Variants in ARHGAP32 observed in about 807,000 individuals in gnomAD.
ARHGAP32 encodes the protein Rho GTPase activating protein 32, also known as rho GTPase-activating protein 32.
A neutral mutation model predicts 186.5 loss-of-function variants in ARHGAP32; 51 were observed. The ratio of observed to expected loss-of-function variants is 0.27; its 90% CI spans 0.22 to 0.35. The LOEUF (loss-of-function observed/expected upper bound fraction) is 0.35, where lower values mean the gene tolerates loss of function less well. Among genes scored for constraint, ARHGAP32 ranks in the 10% least tolerant of loss-of-function variants. ARHGAP32 has a pLI of 1.00. For synonymous variants in ARHGAP32, 950 were observed against 964.3 expected, an observed-to-expected ratio of 0.99 and a Z score of 0.27; for missense variants, 2,186 against 2,623.5, an observed-to-expected ratio of 0.83 and a Z score of 3.64.
At chr11:128,981,192 T>C (rs1945696923) in intron 17 of ARHGAP32, among the ~76,000 whole-genome samples, 1 of 152,232 alleles carries the variant, frequency 6.6e-6, no homozygotes, top group African/African-American at 2.4e-5. Context: ...ACGACAAGTT[T>C]TTTAATGTGT....
At chr11:128,997,930 A>AT (rs1946246362) in intron 12 of ARHGAP32, among the ~76,000 whole-genome samples, 1 of 149,872 alleles carries the variant, frequency 6.7e-6, no homozygotes, top group Non-Finnish European at 1.5e-5. Context: ...TGATTTTGGC[A>AT]TTTTATGTCT....
chr11:129,151,323 A>T (rs1041073521), intron 2 of ARHGAP32, among the ~76,000 whole-genome samples: 1 of 152,170 alleles, frequency 6.6e-6, no homozygotes, highest in African/African-American at 2.4e-5. Context: ...CAAAGTACAG[A>T]AAGTCAACAA....
chr11:129,265,226 C>A (rs760769819), intron 1 of ARHGAP32, among the ~76,000 whole-genome samples: 4 of 152,144 alleles, frequency 2.6e-5, no homozygotes, highest in Non-Finnish European at 4.4e-5. Context: ...TAGTACCTAT[C>A]ATCACGGTAA....
chr11:129,274,385 C>T (rs1403482488), intron 1 of ARHGAP32, among the ~76,000 whole-genome samples: 5 of 152,134 alleles, frequency 3.3e-5, no homozygotes, highest in Admixed American at 6.5e-5. Flanking sequence ...TTTCCAGGTG[C>T]TGTTCCCTGG....
At position 129,038,344 on chromosome 11, in the gene ARHGAP32, T is replaced by C. The variant is rs970795617; in HGVS notation, c.1045+2584A>G. ...TTAAAAAATGGGTCATAGACTAATA[T>C]GTAACATCTAAAACTGTAAACCTCT... On this transcript the variant is annotated intron_variant, in intron 11 of 22. Transcript: ENST00000682385. Among the ~76,000 whole-genome samples, 5 of 152,106 alleles carry C rather than the reference T, an allele frequency of 3.3e-5. No homozygotes were observed. The East Asian group carries it at 9.7e-4, about 29-fold the overall frequency.
chr11:129,038,237 C>A (rs1939437076), intron 11 of ARHGAP32, among the ~76,000 whole-genome samples: 1 of 151,992 alleles, frequency 6.6e-6, no homozygotes, highest in African/African-American at 2.4e-5. Flanking sequence ...AAGAAATAAT[C>A]TTTTCAACAA....
At chr11:129,072,463 T>C (rs116561322) in intron 6 of ARHGAP32, among the ~76,000 whole-genome samples, 4 of 152,196 alleles carry the variant, frequency 2.6e-5, no homozygotes, top group Non-Finnish European at 4.4e-5. Flanking sequence ...AGTCACTGGT[T>C]AACAAGTAAA....
intron 6 of ARHGAP32, among the ~76,000 whole-genome samples, chr11:129,072,428 T>C (rs184305379): frequency 7.2e-5 from 11 of 152,300 alleles, no homozygotes; most frequent in African/African-American, 2.4e-4. Context: ...TTCTGGTTAC[T>C]GGTCTGCTAT....
intron 6 of ARHGAP32, among the ~76,000 whole-genome samples, chr11:129,068,205 G>T (rs1435169961): frequency 6.6e-6 from 1 of 152,018 alleles, no homozygotes; most frequent in Non-Finnish European, 1.5e-5. Flanking sequence ...TCTGGGCCCT[G>T]TCTAAATTTC....
intron 11 of ARHGAP32, among the ~76,000 whole-genome samples, chr11:129,000,041 G>C (rs761760775): frequency 6.6e-6 from 1 of 152,036 alleles, no homozygotes; most frequent in Non-Finnish European, 1.5e-5. Context: ...ACTGAAAAAA[G>C]AAAACTCTTT....
At chr11:129,134,495 T>C (rs922999855) in intron 2 of ARHGAP32, among the ~76,000 whole-genome samples, 5 of 152,088 alleles carry the variant, frequency 3.3e-5, no homozygotes, top group African/African-American at 1.2e-4. Context: ...AGGCATAAAG[T>C]AAATACACAA....
At chr11:128,984,846 C>T (rs1945815612) in intron 15 of ARHGAP32, among the ~76,000 whole-genome samples, 1 of 151,620 alleles carries the variant, frequency 6.6e-6, no homozygotes, top group African/African-American at 2.4e-5. Flanking sequence ...TATTGAACAT[C>T]TATCTGCAAG....
chr11:128,988,598 A>G (rs1392945164), intron 12 of ARHGAP32, among the ~76,000 whole-genome samples: 1 of 152,222 alleles, frequency 6.6e-6, no homozygotes, highest in Non-Finnish European at 1.5e-5. Context: ...TTGCTTCTAG[A>G]AAAGGATCTT....
At chr11:129,231,028 G>A (rs191094670) in intron 1 of ARHGAP32, among the ~76,000 whole-genome samples, 8 of 152,156 alleles carry the variant, frequency 5.3e-5, no homozygotes, top group Admixed American at 2.0e-4. Flanking sequence ...CCAGCTACTC[G>A]GGAGGCTGAG....
intron 1 of ARHGAP32, among the ~76,000 whole-genome samples, chr11:129,164,871 G>A (rs992032787): frequency 1.3e-5 from 2 of 152,140 alleles, no homozygotes; most frequent in Non-Finnish European, 2.9e-5. Context: ...CATTTTCAAT[G>A]AGAACAACTA....
At chr11:129,037,984 C>A (rs1028277709) in intron 11 of ARHGAP32, among the ~76,000 whole-genome samples, 1 of 151,646 alleles carries the variant, frequency 6.6e-6, no homozygotes, top group Admixed American at 6.6e-5. Context: ...ACCTGTAATC[C>A]CAGCTACTCC....
Position 129,066,843 on chromosome 11 carries a change from C to A in ARHGAP32, c.557G>T (p.Ser186Ile), listed in dbSNP as rs1225101813. 4 of 1,608,576 alleles carry A rather than the reference C, an allele frequency of 2.5e-6. No individual in the cohort carries two copies. Among genetic ancestry groups the A allele is most frequent in the Non-Finnish European group, 3.4e-6 (4 of 1,176,978 alleles). ...ATCAAGTACCCGAAAATCTTCATAACTTCTTTTAACAATCCAACTTTTTCC... is the reference window on the plus strand; with the variant it reads ...ATCAAGTACCCGAAAATCTTCATAAATTCTTTTAACAATCCAACTTTTTCC... ...CQGKSWIVKR[S>I]YEDFRVLDKH... is the part of the protein sequence containing the mutation. Residue 186 changes from serine to isoleucine, a missense_variant, in exon 7 of 23, where the codon AGT (serine) becomes ATT (isoleucine). Coordinates refer to ENST00000682385, the MANE Select transcript of ARHGAP32 (RefSeq NM_001378024.1).
intron 13 of ARHGAP32, 70 bp from the exon 14 acceptor site, chr11:128,986,738 A>C: frequency 6.7e-7 from 1 of 1,487,660 alleles, no homozygotes; most frequent in Non-Finnish European, 9.3e-7. Flanking sequence ...TAAAAACAGA[A>C]AGCATAAGCT....
chr11:129,073,223 A>G (rs982185598), intron 6 of ARHGAP32, among the ~76,000 whole-genome samples: 1 of 152,188 alleles, frequency 6.6e-6, no homozygotes, highest in Non-Finnish European at 1.5e-5. Flanking sequence ...CGTGAACTAA[A>G]AGGAAAAAAA....
Sources: allele counts gnomAD v4.1 joint callset (sites outside exome capture counted in the v4.1 genomes callset), GRCh38; gene constraint gnomAD v4.1.1; transcripts MANE v1.5; gene names NCBI Gene and HGNC (gene_info 2026-07-23, HGNC 2026-07-21).